The following CUL9 variants were observed in gnomAD, a reference collection of about 807,000 sequenced individuals.
CUL9 encodes cullin-9.
Under a neutral mutation model 272.6 loss-of-function variants are expected in CUL9, and 79 were observed. The ratio of observed to expected loss-of-function variants is 0.29; its 90% CI spans 0.24 to 0.35. The LOEUF is 0.35. CUL9 is among the 10% of genes least tolerant of loss of function. The probability of loss-of-function intolerance (pLI) is 1.00; values close to 1 mark genes in which losing one functional copy is unlikely to be tolerated. For missense variants in CUL9, 2,532 were observed against 3,255.6 expected (o/e 0.78, Z 5.41); for synonymous variants, 1,186 against 1,286.5 (o/e 0.92, Z 1.67).
chr6:43,189,299 C>A (rs1252461814), intron 8 of CUL9, among the ~76,000 whole-genome samples: 1 of 151,502 alleles, frequency 6.6e-6, no homozygotes, highest in East Asian at 2.0e-4. Flanking sequence ...AAGGGATTCT[C>A]CCGCCTCAGC....
At chr6:43,215,850 A>G in intron 30 of CUL9, among the ~76,000 whole-genome samples, 1 of 152,218 alleles carries the variant, frequency 6.6e-6, no homozygotes. Context: ...TGTTCTCACT[A>G]CAGGTGCTGC....
rs1455830522 is a variant in CUL9, at chr6:43,203,658, C to T, written c.4025+66C>T. ...GACACTGTGAGAAGTAGGAGGGATG[C>T]TCCTGTGGGAGTCCGGAAGGGAAAG... On this transcript the variant is annotated intron_variant, in intron 19 of 40. Coordinates refer to ENST00000252050, the MANE Select transcript of CUL9 (RefSeq NM_015089.4). The surrounding 1 kb of genome is among the most constrained non-coding windows in gnomAD (Gnocchi z 5.0). 8 of 1,556,782 alleles carry T rather than the reference C, an allele frequency of 5.1e-6. No individual in the cohort carries two copies. In the East Asian group the frequency reaches 6.8e-5, roughly 13 times the overall value.
chr6:43,188,479 G>C, intron 7 of CUL9, 44 bp from the exon 8 acceptor site: 1 of 1,527,728 alleles, frequency 6.5e-7, no homozygotes, highest in South Asian at 1.3e-5. Flanking sequence ...TAACTTCAAG[G>C]TGCCACAGTT....
rs1365915476 is a variant in CUL9, at chr6:43,224,213, C to T, written c.7359-37C>T. The T allele has an allele frequency of 3.7e-6, 6 of 1,614,088 alleles. No individual in the cohort carries two copies. The South Asian group carries it at 4.4e-5, about 12-fold the overall frequency. ...CCATGGAGGAGGCAGTGGGACATGGCAGCCTCCTCTGGGCTGAGTGTGGTG... is the reference window on the plus strand; with the variant it reads ...CCATGGAGGAGGCAGTGGGACATGGTAGCCTCCTCTGGGCTGAGTGTGGTG... On this transcript the variant is annotated intron_variant, in intron 40 of 40. Transcript: ENST00000252050. The surrounding 1 kb of genome is among the most constrained non-coding windows in gnomAD (Gnocchi z 4.2).
At position 43,213,759 on chromosome 6, in the gene CUL9, C is replaced by T; in HGVS notation, c.5535C>T (p.Ala1845=). 1 of 1,613,940 alleles carries T rather than the reference C, an allele frequency of 6.2e-7. No individual in the cohort carries two copies. The highest frequency in any genetic ancestry group is 1.1e-5 in the South Asian group (1 of 91,066). The change falls in exon 29 of 41, where the codon GCC becomes GCT. Residue 1845 remains alanine (A), a synonymous_variant. Coordinates refer to ENST00000252050, the MANE Select transcript of CUL9 (RefSeq NM_015089.4). The surrounding 1 kb of genome is among the most constrained non-coding windows in gnomAD (Gnocchi z 5.7). The part of the protein sequence containing the change: ...HEPGPQRSGE[A]LWLIPPQAYL... ...CTGGGCCCCAGCGCAGTGGGGAGGC[C>T]CTGTGGCTGATACCTCCCCAGGCAT...
chr6:43,205,047 T>C lies in CUL9; in HGVS notation c.4564T>C (p.Phe1522Leu), dbSNP rs1278829057. The change falls in exon 23 of 41, where the codon TTC becomes CTC. Residue 1522 changes from phenylalanine to leucine, a missense_variant. Physicochemically the swap from Phe to Leu is conservative, Grantham distance 22. Coordinates refer to ENST00000252050, the MANE Select transcript of CUL9 (RefSeq NM_015089.4). ...GSELFGPRAA[F>L]MLALRSGFSG... Reference sequence around the variant, plus strand: ...CGAGCTGTTTGGGCCTCGGGCAGCCTTCATGCTGGCTCTGCGCAGTGGCTT... The same window carrying C: ...CGAGCTGTTTGGGCCTCGGGCAGCCCTCATGCTGGCTCTGCGCAGTGGCTT... 6.2e-7 allele frequency: 1 copy of C among 1,612,274 alleles called. No homozygotes were observed. The highest frequency in any genetic ancestry group is 8.5e-7 in the Non-Finnish European group (1 of 1,179,466).
In CUL9 at chr6:43,198,800, C is replaced by T. The variant is rs1440940736; in HGVS notation, c.2995C>T (p.Leu999=). 2.5e-6 allele frequency: 4 copies of T among 1,613,760 alleles called. No individual in the cohort carries two copies. The highest frequency in any genetic ancestry group is 3.4e-6 in the Non-Finnish European group (4 of 1,180,038). The change falls in exon 12 of 41, where the codon CTG becomes TTG. Residue 999 remains leucine (L), a synonymous_variant. Transcript: ENST00000252050. ...QQETQPFLLL[L]RTLDAPGPNK... ...GGAGACCCAGCCTTTCCTCCTGTTG[C>T]TGCGGACTCTGGATGCTCCGGGGCC...
In CUL9 at chr6:43,224,021, C is replaced by T. The variant is rs1158841994; in HGVS notation, c.7285-74C>T. 7.1e-7 allele frequency: 1 copy of T among 1,416,366 alleles called. No individual in the cohort carries two copies. The highest frequency in any genetic ancestry group is 1.0e-6 in the Non-Finnish European group (1 of 1,000,560). 87.7% of individuals were successfully genotyped at this position (1,416,366 alleles called of 1,614,324 possible). A position where few individuals can be genotyped will look rare whatever the true frequency, so the allele number is the denominator to read the frequency against. On this transcript the variant is annotated intron_variant, in intron 39 of 40. Coordinates refer to ENST00000252050, the MANE Select transcript of CUL9 (RefSeq NM_015089.4). The surrounding 1 kb of genome is among the most constrained non-coding windows in gnomAD (Gnocchi z 4.2). ...CAGGAGCTTGGCCCTCCCAGAGCAT[C>T]AGTGGAAGGAATGCTGGGTCCAAAG...
At chr6:43,212,398 G>T (rs1775584041) in intron 26 of CUL9, among the ~76,000 whole-genome samples, 1 of 152,106 alleles carries the variant, frequency 6.6e-6, no homozygotes, top group Non-Finnish European at 1.5e-5. Flanking sequence ...ATCTAGTTCT[G>T]TCACTCCTTC....
Position 43,213,169 on chromosome 6 carries a change from G to T in CUL9, c.5233G>T (p.Asp1745Tyr). Reference sequence around the variant, plus strand: ...CCTAGGTCAGAACCATCCAGTCCTGGACATGGGACCACATCGGCGACTGCA... The same window carrying T: ...CCTAGGTCAGAACCATCCAGTCCTGTACATGGGACCACATCGGCGACTGCA... Reference protein sequence around the residue: ...YSQSQNHPVLDMGPHRRLQWT... With the variant: ...YSQSQNHPVLYMGPHRRLQWT... The change falls in exon 27 of 41, where the codon GAC becomes TAC. Residue 1745 changes from aspartate to tyrosine, a missense_variant. Asp to Tyr is a radical substitution (Grantham distance 160). Coordinates refer to ENST00000252050, the MANE Select transcript of CUL9 (RefSeq NM_015089.4). The surrounding 1 kb of genome is among the most constrained non-coding windows in gnomAD (Gnocchi z 5.7). 6.2e-7 allele frequency: 1 copy of T among 1,614,114 alleles called. No individual in the cohort carries two copies. The highest frequency in any genetic ancestry group is 1.3e-5 in the African/African-American group (1 of 75,024).
Position 43,205,085 on chromosome 6 carries a change from G to A in CUL9, c.4602G>A (p.Leu1534=), listed in dbSNP as rs375196817. The change falls in exon 23 of 41, where the codon TTG becomes TTA. Residue 1534 remains leucine (L), a synonymous_variant. Coordinates refer to ENST00000252050, the MANE Select transcript of CUL9 (RefSeq NM_015089.4). ...TGCGCAGTGGCTTCTCTGGCGCCTT[G>A]CTGCAGCAGTCCTTCCTCACTGCTG... is the stretch of plus-strand genomic sequence containing the variant. ...LALRSGFSGA[L]LQQSFLTAAH... 44 of 1,600,284 alleles carry A rather than the reference G, an allele frequency of 2.7e-5. No individual in the cohort carries two copies. The African/African-American group carries it at 5.0e-4, about 18-fold the overall frequency.
chr6:43,204,559 A>G lies in CUL9; in HGVS notation c.4339+20A>G. The G allele has an allele frequency of 6.2e-7, 1 of 1,613,558 alleles. No individual in the cohort carries two copies. Among genetic ancestry groups the G allele is most frequent in the South Asian group, 1.1e-5 (1 of 91,056 alleles). The stretch of plus-strand genomic sequence containing the variant: ...GGCCCTGTAAGTCCCAGCTGTGGCC[A>G]GTGGAGCTGACTCTGCGGACAGTGG... On this transcript the variant is annotated intron_variant, in intron 21 of 40. Transcript: ENST00000252050.
chr6:43,213,575 A>G lies in CUL9; in HGVS notation c.5488+8A>G. 1 of 1,566,232 alleles carries G rather than the reference A, an allele frequency of 6.4e-7. No individual in the cohort carries two copies. Among genetic ancestry groups the G allele is most frequent in the Non-Finnish European group, 8.6e-7 (1 of 1,156,268 alleles). ...AGGACTTTCCACACGGGGGTAGGTC[A>G]TTGGGGGCCGGGCTGAGCCTCTGCT... On this transcript the variant is annotated splice_region_variant and intron_variant, in intron 28 of 40. Coordinates refer to ENST00000252050, the MANE Select transcript of CUL9 (RefSeq NM_015089.4). This position sits in a 1 kb window ranked among gnomAD's most constrained non-coding sequence, Gnocchi z 5.7.
intron 9 of CUL9, among the ~76,000 whole-genome samples, chr6:43,194,055 C>T (rs1222922319): frequency 6.6e-6 from 1 of 152,176 alleles, no homozygotes; most frequent in African/African-American, 2.4e-5. Flanking sequence ...GAGTAGCTTA[C>T]AGAAGAATTG....
chr6:43,183,644 T>A (rs1772628419), intron 1 of CUL9, among the ~76,000 whole-genome samples: 1 of 152,226 alleles, frequency 6.6e-6, no homozygotes, highest in African/African-American at 2.4e-5. Flanking sequence ...GTCACTCTGT[T>A]TATTGTTACT....
rs1009942442 is a variant in CUL9 at position 43,193,152 on chromosome 6, C to T, written c.2332C>T (p.Leu778=). 3 of 1,614,074 alleles carry T rather than the reference C, an allele frequency of 1.9e-6. No homozygotes were observed. Among genetic ancestry groups the T allele is most frequent in the Non-Finnish European group, 2.5e-6 (3 of 1,180,046 alleles). ...FAREGGIYAV[L]VCMQEYKTSV... is the part of the protein sequence containing the mutation. ...CAGGGAGGGTGGCATCTATGCTGTG[C>T]TGGTCTGCATGCAAGAATATAAGAC... Residue 778 remains leucine, a synonymous_variant, in exon 9 of 41, where the codon CTG becomes TTG. Transcript: ENST00000252050.
chr6:43,188,215 G>C (rs1244481361), intron 7 of CUL9, 97 bp downstream of exon 7: 1 of 1,432,472 alleles, frequency 7.0e-7, no homozygotes, highest in South Asian at 1.3e-5. Flanking sequence ...CATGGAGGAA[G>C]GTGATTTTTG....
chr6:43,191,113 T>C (rs1218769605), intron 8 of CUL9, among the ~76,000 whole-genome samples: 2 of 152,146 alleles, frequency 1.3e-5, no homozygotes, highest in Non-Finnish European at 2.9e-5. Context: ...TATTTTCCTA[T>C]ATTTTCCAAA....
In CUL9 at chr6:43,204,968, A is replaced by T. The variant is rs1315817756; in HGVS notation, c.4485A>T (p.Pro1495=). ...TCCTGGCTGCAGCTTGGAGGGCCCC[A>T]GACTTTGTGCCTCGTTACTGTAAAC... ...SRFLAAAWRA[P]DFVPRYCKLY... is the part of the protein sequence containing the mutation. The change falls in exon 23 of 41, where the codon CCA becomes CCT. Residue 1495 remains proline (P), a synonymous_variant. Transcript: ENST00000252050. 1 of 1,611,538 alleles carries T rather than the reference A, an allele frequency of 6.2e-7. No individual in the cohort carries two copies. The highest frequency in any genetic ancestry group is 8.5e-7 in the Non-Finnish European group (1 of 1,178,346).
Sources: allele counts gnomAD v4.1 joint callset (sites outside exome capture counted in the v4.1 genomes callset), GRCh38; gene constraint gnomAD v4.1.1; non-coding constraint Gnocchi (gnomAD v3.1); transcripts MANE v1.5; gene names NCBI Gene and HGNC (gene_info 2026-07-23, HGNC 2026-07-21).